Variants in NAALAD2 observed in about 807,000 individuals in gnomAD.
NAALAD2 encodes N-acetylated-alpha-linked acidic dipeptidase 2.
NAALAD2 carries 89 observed loss-of-function variants against 95.6 expected under a neutral mutation model. That is an observed-to-expected ratio of 0.93 (90% CI 0.78 to 1.11). The LOEUF is 1.11. Among genes scored for constraint, NAALAD2 ranks in the 50% least tolerant of loss-of-function variants. The pLI is 0.00. For synonymous variants in NAALAD2, 264 were observed against 294.4 expected (o/e 0.90, Z 1.06); for missense variants, 894 against 872.4 (o/e 1.02, Z -0.31).
intron 13 of NAALAD2, among the ~76,000 whole-genome samples, chr11:90,171,633 G>A (rs1413787148): frequency 6.6e-6 from 1 of 152,096 alleles, no homozygotes; most frequent in Non-Finnish European, 1.5e-5. Flanking sequence ...TTATCTGTGG[G>A]CATGCCAAGA....
rs1952182586 is a variant in NAALAD2 at position 90,158,273 on chromosome 11, T to C, written c.890+35T>C. 2.7e-6 allele frequency: 4 copies of C among 1,480,222 alleles called. No individual in the cohort carries two copies. The African/African-American group carries it at 5.6e-5, about 21-fold the overall frequency. The allele number at this position is 1,480,222 out of a possible 1,614,324, so 91.7% of individuals were successfully genotyped here. ...TCTTGTTGGATATGAGATTAAGATATTTTGCACTAGTTGTCTATTTTCTCA... is the reference window on the plus strand; with the variant it reads ...TCTTGTTGGATATGAGATTAAGATACTTTGCACTAGTTGTCTATTTTCTCA... On this transcript the variant is annotated intron_variant, in intron 7 of 18. Transcript: ENST00000534061.
At chr11:90,181,510 A>G in intron 16 of NAALAD2, 110 bp from the exon 17 acceptor site, 1 of 702,074 alleles carries the variant, frequency 1.4e-6, no homozygotes, top group Non-Finnish European at 2.5e-6. Context: ...CTCAGTAGAA[A>G]AATGGCTTCG....
intron 14 of NAALAD2, among the ~76,000 whole-genome samples, chr11:90,174,725 TTTG>T (rs1952736895): frequency 6.6e-6 from 1 of 151,846 alleles, no homozygotes; most frequent in Non-Finnish European, 1.5e-5. Context: ...TTTATATTTA[TTTG>T]TTTTTATTTT....
chr11:90,165,268 C>T (rs1952408380), intron 11 of NAALAD2, among the ~76,000 whole-genome samples: 1 of 152,088 alleles, frequency 6.6e-6, no homozygotes, highest in Non-Finnish European at 1.5e-5. Flanking sequence ...ATGAATAATG[C>T]TGCAATGAAC....
chr11:90,162,345 T>C (rs1374877206), intron 8 of NAALAD2: 2 of 152,148 alleles, frequency 1.3e-5, no homozygotes, highest in African/African-American at 4.8e-5. Flanking sequence ...CTAGAAACAT[T>C]TCATTATGTA....
chr11:90,157,929 C>T (rs1030338072), intron 6 of NAALAD2, among the ~76,000 whole-genome samples: 1 of 152,102 alleles, frequency 6.6e-6, no homozygotes, highest in Non-Finnish European at 1.5e-5. Context: ...CCATGTTGGC[C>T]AGGATGGTCT....
intron 6 of NAALAD2, among the ~76,000 whole-genome samples, chr11:90,154,528 A>G (rs1951977201): frequency 6.6e-6 from 1 of 151,620 alleles, no homozygotes; most frequent in Non-Finnish European, 1.5e-5. Flanking sequence ...TGAATTTTTG[A>G]TATATTTTTC....
At chr11:90,165,705 A>G (rs1405628368) in intron 11 of NAALAD2, among the ~76,000 whole-genome samples, 6 of 152,162 alleles carry the variant, frequency 3.9e-5, no homozygotes, top group Non-Finnish European at 7.4e-5. Context: ...AATTTGATGA[A>G]TCAAATTTTA....
chr11:90,147,991 A>G (rs949439762), intron 3 of NAALAD2, among the ~76,000 whole-genome samples: 1 of 152,220 alleles, frequency 6.6e-6, no homozygotes, highest in Non-Finnish European at 1.5e-5. Context: ...TGTATTTCAA[A>G]AGTGTAAAAT....
In NAALAD2 at chr11:90,163,245, A is replaced by C. The variant is rs570407590; in HGVS notation, c.1076-65A>C. 22 of 1,508,436 alleles carry C rather than the reference A, an allele frequency of 1.5e-5. No homozygotes were observed. In the African/African-American group the frequency reaches 3.0e-4, roughly 20 times the overall value. 93.4% of individuals were successfully genotyped at this position (1,508,436 alleles called of 1,614,324 possible). On this transcript the variant is annotated intron_variant, in intron 9 of 18. Coordinates refer to ENST00000534061, the MANE Select transcript of NAALAD2 (RefSeq NM_005467.4). ...AAGCAAGAGGATGTTTATTTTAAAA[A>C]CATAAATTACAAATATTTATAATGT... is the stretch of plus-strand genomic sequence containing the variant.
rs374038820 is a variant in NAALAD2 at position 90,167,057 on chromosome 11, G to A, written c.1279-1872G>A. On this transcript the variant is annotated intron_variant, in intron 11 of 18. Transcript: ENST00000534061. Reference sequence around the variant, plus strand: ...ATGCTGGCAGCCCTCGCTCGCTCTCGGCGCCTCCTCGGCCTTGGCGCCCAC... The same window carrying A: ...ATGCTGGCAGCCCTCGCTCGCTCTCAGCGCCTCCTCGGCCTTGGCGCCCAC... Among the ~76,000 whole-genome samples the A allele has an allele frequency of 3.2e-3, 482 of 152,300 alleles. 4 individuals are homozygous for A. The highest frequency in any genetic ancestry group is 0.01 in the African/African-American group (428 of 41,578).
intron 16 of NAALAD2, 43 bp downstream of exon 16, chr11:90,178,160 A>T (rs1280200339): frequency 6.5e-7 from 1 of 1,548,554 alleles, no homozygotes; most frequent in African/African-American, 1.4e-5. Flanking sequence ...TTTAAGTTAG[A>T]GCTTTAAGAT....
Position 90,191,715 on chromosome 11 carries a change from G to A in NAALAD2, c.2191G>A (p.Ala731Thr). The change falls in exon 19 of 19, where the codon GCA becomes ACA. Residue 731 changes from alanine (A) to threonine (T), a missense_variant. Coordinates refer to ENST00000534061, the MANE Select transcript of NAALAD2 (RefSeq NM_005467.4). ...TTCTATTGCAGCTTTTACAATTCAA[G>A]CAGCAGCAGGAACTCTGAAAGAAGT... Reference protein sequence around the residue: ...HISIAAFTIQAAAGTLKEVL With the variant: ...HISIAAFTIQTAAGTLKEVL The A allele has an allele frequency of 6.3e-7, 1 of 1,592,574 alleles. No individual in the cohort carries two copies. Among genetic ancestry groups the A allele is most frequent in the Admixed American group, 1.7e-5 (1 of 57,248 alleles).
rs901802362 is a variant in NAALAD2 at position 90,163,045 on chromosome 11, T to C, written c.1075+11T>C. On this transcript the variant is annotated intron_variant, in intron 9 of 18. Coordinates refer to ENST00000534061, the MANE Select transcript of NAALAD2 (RefSeq NM_005467.4). Reference sequence around the variant, plus strand: ...GATCTGTGGAACCTGGTGAGTCACATAATTTTTTAAAACATTTTGTTTTTA... The same window carrying C: ...GATCTGTGGAACCTGGTGAGTCACACAATTTTTTAAAACATTTTGTTTTTA... 1.3e-6 allele frequency: 2 copies of C among 1,516,130 alleles called. No individual in the cohort carries two copies. Among genetic ancestry groups the C allele is most frequent in the Middle Eastern group, 1.7e-4 (1 of 5,752 alleles). 93.9% of individuals were successfully genotyped at this position (1,516,130 alleles called of 1,614,324 possible).
At chr11:90,133,340 T>G (rs1159630506), upstream of NAALAD2, among the ~76,000 whole-genome samples, 1 of 152,194 alleles carries the variant, frequency 6.6e-6, no homozygotes, top group Non-Finnish European at 1.5e-5. Flanking sequence ...TGGCCACTAT[T>G]TTGCAAACCC....
Position 90,168,924 on chromosome 11 carries a change from T to A in NAALAD2, c.1279-5T>A. ...AATTAAGTAACAACTTTGCTTCAAC[T>A]ACAGGAGAATGTCAAAATACTCCAG... On this transcript the variant is annotated splice_polypyrimidine_tract_variant and splice_region_variant and intron_variant, in intron 11 of 18. Coordinates refer to ENST00000534061, the MANE Select transcript of NAALAD2 (RefSeq NM_005467.4). 1 of 1,604,542 alleles carries A rather than the reference T, an allele frequency of 6.2e-7. No homozygotes were observed. Among genetic ancestry groups the A allele is most frequent in the Non-Finnish European group, 8.5e-7 (1 of 1,175,250 alleles).
At chr11:90,177,695 C>T (rs930555906) in intron 15 of NAALAD2, among the ~76,000 whole-genome samples, 158 bp from the exon 16 acceptor site, 6 of 138,466 alleles carry the variant, frequency 4.3e-5, no homozygotes, top group Non-Finnish European at 7.6e-5. Flanking sequence ...TCAGGCAATC[C>T]ACCTGCCTTG....
At chr11:90,152,239 A>G (rs1197790883) in intron 5 of NAALAD2, 59 bp from the exon 6 acceptor site, 3 of 1,436,306 alleles carry the variant, frequency 2.1e-6, no homozygotes, top group Non-Finnish European at 2.8e-6. Context: ...TGTCTTTCTT[A>G]TATGAATAAG....
At chr11:90,134,960 G>A in intron 1 of NAALAD2, 120 bp downstream of exon 1, 1 of 1,096,800 alleles carries the variant, frequency 9.1e-7, no homozygotes, top group Admixed American at 1.9e-5. Context: ...GGCTGGGCTA[G>A]ATATGATAAA....
Sources: allele counts gnomAD v4.1 joint callset (sites outside exome capture counted in the v4.1 genomes callset), GRCh38; gene constraint gnomAD v4.1.1; transcripts MANE v1.5; gene names NCBI Gene and HGNC (gene_info 2026-07-23, HGNC 2026-07-21).